The following USP34 variants were observed in gnomAD, a reference collection of about 807,000 sequenced individuals.
USP34 encodes the protein ubiquitin carboxyl-terminal hydrolase 34.
In USP34, 70 loss-of-function variants were observed where a neutral mutation model predicts 460.3. The ratio of observed to expected loss-of-function variants is 0.15; its 90% CI spans 0.13 to 0.19. USP34 has a LOEUF of 0.19. Ranked by LOEUF, USP34 falls within the 10% of genes least tolerant of loss-of-function variation. The pLI, the probability that USP34 is intolerant of heterozygous loss-of-function variation, is 1.00. For synonymous variants in USP34, 1,647 were observed against 1,405.3 expected (o/e 1.17, Z -3.85); for missense variants, 3,985 against 4,236.2 (o/e 0.94, Z 1.65).
rs200070125 is a variant in USP34, at chr2:61,286,303, A to T, written c.4750-1346T>A. On this transcript the variant is annotated intron_variant, in intron 34 of 79. Transcript: ENST00000398571. ...GAGATATACATACTAAGCTGGAATT[A>T]TTTTGGGAAATAAACTCATGCAAAA... Among the ~76,000 whole-genome samples, 9 of 152,138 alleles carry T rather than the reference A, an allele frequency of 5.9e-5. No homozygotes were observed. The East Asian group carries it at 1.7e-3, about 29-fold the overall frequency.
chr2:61,403,555 A>G (rs955137343), intron 3 of USP34, among the ~76,000 whole-genome samples: 1 of 152,182 alleles, frequency 6.6e-6, no homozygotes, highest in Non-Finnish European at 1.5e-5. Flanking sequence ...AATATTTAAT[A>G]TATTTTATAT....
chr2:61,270,110 T>A (rs1486296008), intron 41 of USP34, among the ~76,000 whole-genome samples: 1 of 152,244 alleles, frequency 6.6e-6, no homozygotes, highest in Non-Finnish European at 1.5e-5. Context: ...CTAAATGTTT[T>A]CGTCACTCTG....
At chr2:61,263,454 T>C (rs1162010429) in intron 43 of USP34, among the ~76,000 whole-genome samples, 1 of 151,700 alleles carries the variant, frequency 6.6e-6, no homozygotes, top group Non-Finnish European at 1.5e-5. Context: ...GTGCTGGGAT[T>C]ACAGGCGTGA....
In USP34 at chr2:61,383,274, A is replaced by C. The variant is rs780251997; in HGVS notation, c.816T>G (p.Val272=). The C allele has an allele frequency of 3.8e-6, 6 of 1,594,894 alleles. No individual in the cohort carries two copies. The highest frequency in any genetic ancestry group is 1.1e-5 in the South Asian group (1 of 87,370). The part of the protein sequence containing the change: ...MQHIIPFRTY[V]IRYLCKLSDQ... ...AAGAAATTTTATAAACTTACCTAAT[A>C]ACATAGGTCCTAAAAGGTATAATGT... Residue 272 remains valine, a synonymous_variant, in exon 6 of 80, where the codon GTT becomes GTG. Transcript: ENST00000398571.
rs1202217711 is a variant in USP34 at position 61,348,876 on chromosome 2, T to G, written c.1554A>C (p.Ala518=). ...RRTAPSPWSP[A]ASPQSSDNSD... ...TATTATCACTGCTTTGAGGACTAGC[T>G]GCAGGTGACCCTATATAAAATACAT... Residue 518 remains alanine, a synonymous_variant, in exon 14 of 80, where the codon GCA becomes GCC. Transcript: ENST00000398571. 1 of 1,610,636 alleles carries G rather than the reference T, an allele frequency of 6.2e-7. No individual in the cohort carries two copies. The highest frequency in any genetic ancestry group is 8.5e-7 in the Non-Finnish European group (1 of 1,178,900).
intron 3 of USP34, among the ~76,000 whole-genome samples, chr2:61,397,964 G>C (rs772197139): frequency 3.3e-5 from 5 of 152,122 alleles, no homozygotes; most frequent in Non-Finnish European, 7.4e-5. Context: ...CTGCTCAGCA[G>C]ACTAAGGCAC....
intron 34 of USP34, among the ~76,000 whole-genome samples, chr2:61,286,515 G>A (rs6545853): frequency 0.54 from 81,690 of 151,828 alleles, 22,227 homozygotes; most frequent in South Asian, 0.74. Flanking sequence ...AATTAGCCAC[G>A]CATGGTGGCG....
At chr2:61,232,588 GA>G (rs1300835107) in intron 57 of USP34, 56 bp from the exon 58 acceptor site, 2 of 1,319,224 alleles carry the variant, frequency 1.5e-6, no homozygotes, top group East Asian at 2.3e-5. Context: ...TGTTACATGG[GA>G]TAACAGTCAC....
chr2:61,262,492 A>G (rs75383000), intron 43 of USP34, among the ~76,000 whole-genome samples: 1,909 of 152,230 alleles, frequency 0.013, 26 homozygotes, highest in East Asian at 0.042. Context: ...AGTTCCATAC[A>G]TGTTTTTGCA....
chr2:61,267,034 C>T (rs1012144512), intron 41 of USP34, among the ~76,000 whole-genome samples: 1 of 152,196 alleles, frequency 6.6e-6, no homozygotes, highest in African/African-American at 2.4e-5. Context: ...CCAAGGACTC[C>T]TAGGCTCAAG....
chr2:61,421,355 TC>T (rs1481362048), intron 1 of USP34, among the ~76,000 whole-genome samples: 1 of 152,210 alleles, frequency 6.6e-6, no homozygotes, highest in African/African-American at 2.4e-5. Context: ...AGTCACAGCT[TC>T]CTTCACACGG....
intron 32 of USP34, 150 bp downstream of exon 32, chr2:61,294,799 T>C (rs966637757): frequency 1.3e-5 from 9 of 679,212 alleles, no homozygotes; most frequent in South Asian, 2.0e-5. Context: ...GTTTACGTTA[T>C]TGCAACTTAA....
At chr2:61,470,235 G>A (rs888442957) in intron 1 of USP34, among the ~76,000 whole-genome samples, 2 of 152,154 alleles carry the variant, frequency 1.3e-5, no homozygotes, top group Non-Finnish European at 2.9e-5. Flanking sequence ...GCAGCACGCT[G>A]GAAATCAAAG....
At chr2:61,295,382 A>G in intron 30 of USP34, 92 bp from the exon 31 acceptor site, 3 of 1,318,762 alleles carry the variant, frequency 2.3e-6, no homozygotes, top group Non-Finnish European at 3.0e-6. Flanking sequence ...ATAAAAACTC[A>G]AAATATTATA....
At chr2:61,358,854 AAC>A (rs1692186724) in intron 10 of USP34, among the ~76,000 whole-genome samples, 1 of 152,224 alleles carries the variant, frequency 6.6e-6, no homozygotes, top group African/African-American at 2.4e-5. Flanking sequence ...TTAAGAAAGT[AAC>A]ACAATTTTCA....
chr2:61,330,382 G>A (rs1691223707), intron 20 of USP34, among the ~76,000 whole-genome samples: 1 of 152,194 alleles, frequency 6.6e-6, no homozygotes, highest in South Asian at 2.1e-4. Context: ...TTTTAGGCAA[G>A]TGGGAGGATA....
chr2:61,433,460 C>A (rs1310949731), intron 1 of USP34, among the ~76,000 whole-genome samples: 4 of 152,050 alleles, frequency 2.6e-5, no homozygotes, highest in Non-Finnish European at 4.4e-5. Flanking sequence ...AAGGTGAAAC[C>A]CCATCTCTAC....
chr2:61,267,606 C>G (rs1329314687), intron 41 of USP34, among the ~76,000 whole-genome samples: 1 of 151,778 alleles, frequency 6.6e-6, no homozygotes, highest in African/African-American at 2.4e-5. Context: ...CTACACCCAG[C>G]TAATTTTTTG....
At chr2:61,416,922 A>G in intron 2 of USP34, 1 of 1,106,458 alleles carries the variant, frequency 9.0e-7, no homozygotes. Context: ...GAGGGCCATG[A>G]ATGGCGACAT....
Sources: allele counts gnomAD v4.1 joint callset (sites outside exome capture counted in the v4.1 genomes callset), GRCh38; gene constraint gnomAD v4.1.1; transcripts MANE v1.5; gene names NCBI Gene and HGNC (gene_info 2026-07-23, HGNC 2026-07-21).